The following MAJIN variants were observed in gnomAD, a reference collection of about 807,000 sequenced individuals.
The protein encoded by MAJIN is membrane anchored junction protein.
A neutral mutation model predicts 30.2 loss-of-function variants in MAJIN; 27 were observed. That is an observed-to-expected ratio of 0.89 (90% CI 0.66 to 1.23). The LOEUF is 1.23. Among genes scored for constraint, MAJIN ranks in the 50% most tolerant of loss-of-function variants. MAJIN has a pLI of 0.00. For synonymous variants in MAJIN, 78 were observed against 91.6 expected (o/e 0.85, Z 0.85); for missense variants, 253 against 260.3 (o/e 0.97, Z 0.19).
intron 8 of MAJIN, among the ~76,000 whole-genome samples, chr11:64,945,918 T>C (rs1246329048): frequency 6.6e-6 from 1 of 152,196 alleles, no homozygotes; most frequent in Admixed American, 6.5e-5. Context: ...AAGGGCATAA[T>C]AGTTGAATGT....
At chr11:64,955,266 A>T (rs981355557) in intron 3 of MAJIN, among the ~76,000 whole-genome samples, 1 of 152,146 alleles carries the variant, frequency 6.6e-6, no homozygotes, top group African/African-American at 2.4e-5. Context: ...AGAAATCTTT[A>T]CTGCTGCATA....
At chr11:64,969,924 T>C (rs1010231773) in intron 1 of MAJIN, among the ~76,000 whole-genome samples, 3 of 152,058 alleles carry the variant, frequency 2.0e-5, no homozygotes, top group Admixed American at 2.0e-4. Context: ...GGAAAGTAAA[T>C]TTTTGAAGGC....
chr11:64,964,882 G>A (rs990783741), intron 1 of MAJIN, among the ~76,000 whole-genome samples: 4 of 152,010 alleles, frequency 2.6e-5, no homozygotes, highest in Admixed American at 6.6e-5. Context: ...CACTGCACCC[G>A]GCCTAATGTA....
At chr11:64,951,899 G>GT (rs901167632) in intron 4 of MAJIN, among the ~76,000 whole-genome samples, 1 of 150,782 alleles carries the variant, frequency 6.6e-6, no homozygotes, top group Non-Finnish European at 1.5e-5. Context: ...ACTGTTTTTT[G>GT]TTTTTTTGAG....
chr11:64,968,932 A>G (rs688749), intron 1 of MAJIN, among the ~76,000 whole-genome samples: 117,952 of 152,066 alleles, frequency 0.78, 46,069 homozygotes, highest in African/African-American at 0.85. Flanking sequence ...AGGAGGAGAA[A>G]TAGGGAGACC....
At chr11:64,954,500 C>A in intron 4 of MAJIN, 1 of 565,902 alleles carries the variant, frequency 1.8e-6, no homozygotes, top group Non-Finnish European at 3.2e-6. Flanking sequence ...GAGAGCTGCC[C>A]AAGGCTGGAA....
chr11:64,939,309 A>T (rs142411714), intron 10 of MAJIN, among the ~76,000 whole-genome samples: 7 of 152,290 alleles, frequency 4.6e-5, no homozygotes, highest in Non-Finnish European at 1.0e-4. Flanking sequence ...CATGTTGGCC[A>T]GGCTGGTCTT....
intron 1 of MAJIN, among the ~76,000 whole-genome samples, chr11:64,967,741 A>G (rs544295585): frequency 9.2e-5 from 14 of 152,346 alleles, no homozygotes; most frequent in African/African-American, 3.1e-4. Context: ...GAGACCCTAC[A>G]GTGTATCAGG....
chr11:64,970,809 C>T (rs942113790), intron 1 of MAJIN, among the ~76,000 whole-genome samples: 1 of 152,186 alleles, frequency 6.6e-6, no homozygotes, highest in Non-Finnish European at 1.5e-5. Context: ...GATCTCAGTG[C>T]CATGACTCAT....
chr11:64,939,849 T>C, intron 9 of MAJIN, 82 bp from the exon 10 acceptor site: 2 of 1,251,892 alleles, frequency 1.6e-6, no homozygotes, highest in Admixed American at 2.1e-5. Flanking sequence ...ACACCCAGTA[T>C]GAGCCAGAGG....
chr11:64,943,098 G>A (rs986001285), intron 8 of MAJIN, among the ~76,000 whole-genome samples: 8 of 152,140 alleles, frequency 5.3e-5, no homozygotes, highest in African/African-American at 1.9e-4. Flanking sequence ...TATCATCTGG[G>A]ACCTCCATCA....
chr11:64,946,710 C>T (rs1286285537), intron 8 of MAJIN, among the ~76,000 whole-genome samples: 2 of 152,138 alleles, frequency 1.3e-5, no homozygotes, highest in Admixed American at 6.6e-5. Context: ...ACAAACCACA[C>T]CTTGGATTAT....
chr11:64,941,648 CT>C (rs1945381024), intron 8 of MAJIN, among the ~76,000 whole-genome samples: 1 of 152,044 alleles, frequency 6.6e-6, no homozygotes, highest in Non-Finnish European at 1.5e-5. Context: ...GAGACTCCAT[CT>C]CGAAAAAAAG....
chr11:64,940,929 C>T (rs1325256882), intron 8 of MAJIN, among the ~76,000 whole-genome samples: 2 of 147,728 alleles, frequency 1.4e-5, no homozygotes. Flanking sequence ...AGCTCTGCCT[C>T]TCCGGTTCAC....
intron 1 of MAJIN, among the ~76,000 whole-genome samples, chr11:64,967,364 C>T (rs1016692652): frequency 1.3e-5 from 2 of 151,904 alleles, no homozygotes; most frequent in Non-Finnish European, 1.5e-5. Context: ...CGAGATGATA[C>T]CATTGCACTC....
intron 1 of MAJIN, among the ~76,000 whole-genome samples, chr11:64,967,206 G>A (rs904314841): frequency 2.0e-5 from 3 of 152,006 alleles, no homozygotes; most frequent in South Asian, 2.1e-4. Flanking sequence ...TCAGGAGTTC[G>A]AGACGAACCT....
chr11:64,948,641 T>TATATATA (rs1340869416), intron 6 of MAJIN, among the ~76,000 whole-genome samples: 2 of 9,446 alleles, frequency 2.1e-4, no homozygotes, highest in African/African-American at 3.8e-4. Context: ...ATATATATAT[T>TATATATA]TTTTTTTTTT....
At chr11:64,941,874 T>C (rs1464402354) in intron 8 of MAJIN, among the ~76,000 whole-genome samples, 1 of 152,068 alleles carries the variant, frequency 6.6e-6, no homozygotes, top group African/African-American at 2.4e-5. Flanking sequence ...GACAGGGACA[T>C]GATGTATGAG....
At chr11:64,959,838 T>C (rs1325893886) in intron 2 of MAJIN, among the ~76,000 whole-genome samples, 1 of 152,186 alleles carries the variant, frequency 6.6e-6, no homozygotes, top group African/African-American at 2.4e-5. Context: ...TCAAGTTAAA[T>C]AATGACACAA....
Sources: gnomAD v4.1 joint callset for allele counts (sites outside exome capture counted in the v4.1 genomes callset) on GRCh38, gnomAD v4.1.1 for gene constraint, MANE v1.5 for transcripts, NCBI Gene and HGNC (gene_info 2026-07-23, HGNC 2026-07-21) for gene names.